Variants in ZNF407 observed in about 807,000 individuals in gnomAD.
The protein encoded by ZNF407 is zinc finger protein 407.
In ZNF407, 17 loss-of-function variants were observed where a neutral mutation model predicts 131.2. That is an observed-to-expected ratio of 0.13 (90% CI 0.09 to 0.19). The LOEUF (loss-of-function observed/expected upper bound fraction) is 0.19. Among genes scored for constraint, ZNF407 ranks in the 10% least tolerant of loss-of-function variants. ZNF407 has a pLI of 1.00. For missense variants in ZNF407, 2,681 were observed against 2,830.6 expected, an observed-to-expected ratio of 0.95 and a Z score of 1.20; for synonymous variants, 1,156 against 1,062.0, an observed-to-expected ratio of 1.09 and a Z score of -1.72.
At chr18:74,846,491 C>T (rs1191423124) in intron 4 of ZNF407, among the ~76,000 whole-genome samples, 3 of 151,476 alleles carry the variant, frequency 2.0e-5, no homozygotes, top group Admixed American at 1.3e-4. Flanking sequence ...AGGTGCATGC[C>T]ACCACGCCCA....
chr18:74,834,228 A>G (rs534831030), intron 4 of ZNF407, among the ~76,000 whole-genome samples: 2 of 152,234 alleles, frequency 1.3e-5, no homozygotes, highest in Non-Finnish European at 2.9e-5. Context: ...CAATATGGAT[A>G]AAATTTTCAC....
chr18:74,763,966 G>A (rs1318925976), intron 3 of ZNF407, among the ~76,000 whole-genome samples: 4 of 151,892 alleles, frequency 2.6e-5, no homozygotes, highest in African/African-American at 4.8e-5. Flanking sequence ...GCCCGCCTCG[G>A]CCTCCCAAAG....
intron 4 of ZNF407, among the ~76,000 whole-genome samples, chr18:74,864,928 G>T (rs1970989682): frequency 6.6e-6 from 1 of 152,168 alleles, no homozygotes; most frequent in Non-Finnish European, 1.5e-5. Flanking sequence ...CTATAATATG[G>T]TGATTGTGTT....
chr18:74,789,921 A>C, intron 4 of ZNF407, among the ~76,000 whole-genome samples: 1 of 143,498 alleles, frequency 7.0e-6, no homozygotes, highest in South Asian at 2.2e-4. Flanking sequence ...ATAATGTCCC[A>C]CCTCTCCTGG....
At chr18:74,691,289 A>C (rs1967216680) in intron 3 of ZNF407, among the ~76,000 whole-genome samples, 1 of 151,818 alleles carries the variant, frequency 6.6e-6, no homozygotes, top group Admixed American at 6.6e-5. Flanking sequence ...CAAAAAAAAA[A>C]TAATAATAAA....
chr18:74,932,678 A>G (rs1190121537), intron 8 of ZNF407, among the ~76,000 whole-genome samples: 1 of 152,216 alleles, frequency 6.6e-6, no homozygotes, highest in South Asian at 2.1e-4. Flanking sequence ...TTATTCTTCA[A>G]TTCTTTAAGT....
At chr18:75,054,191 G>A (rs1017886141) in intron 8 of ZNF407, among the ~76,000 whole-genome samples, 2 of 152,212 alleles carry the variant, frequency 1.3e-5, no homozygotes, top group Non-Finnish European at 2.9e-5. Flanking sequence ...AGCTGCTATC[G>A]TTTGGCTATG....
chr18:74,719,547 C>A (rs1967977567), intron 3 of ZNF407, among the ~76,000 whole-genome samples: 1 of 152,134 alleles, frequency 6.6e-6, no homozygotes, highest in Non-Finnish European at 1.5e-5. Flanking sequence ...CCACAGGCAC[C>A]CGCCACCACG....
Position 75,017,507 on chromosome 18 carries a change from T to A in ZNF407, c.5429-45643T>A, listed in dbSNP as rs999089256. On this transcript the variant is annotated intron_variant, in intron 8 of 8. Transcript: ENST00000299687. ...CTGTATTTGTATGGAGTAGCCAAGA[T>A]ATCAGTGCTAGTCAGCAACCACCCA... 7.9e-5 allele frequency among the ~76,000 whole-genome samples: 12 copies of A among 152,228 alleles called. No individual in the cohort carries two copies. The East Asian group carries it at 2.3e-3, about 29-fold the overall frequency.
In ZNF407 at chr18:74,663,125, G is replaced by GT. The variant is rs201667494; in HGVS notation, c.4802+22012dup. Reference sequence around the variant, plus strand: ...ATTGTAACCTCTAGAAAGCAACCTAGTTTTTTTTTAAGTAAAAACAGTCTA... The same window carrying GT: ...ATTGTAACCTCTAGAAAGCAACCTAGTTTTTTTTTTAAGTAAAAACAGTCTA... On this transcript the variant is annotated intron_variant, in intron 3 of 8. Coordinates refer to ENST00000299687, the MANE Select transcript of ZNF407 (RefSeq NM_017757.3). Among the ~76,000 whole-genome samples the GT allele has an allele frequency of 3.2e-3, 481 of 151,458 alleles. 2 individuals are homozygous for GT. Among genetic ancestry groups the GT allele is most frequent in the South Asian group, 0.015 (70 of 4,782 alleles).
Position 74,632,627 on chromosome 18 carries a change from A to G in ZNF407, c.1608A>G (p.Val536=), listed in dbSNP as rs780172705. The G allele has an allele frequency of 2.5e-6, 4 of 1,614,066 alleles. No individual in the cohort carries two copies. In the South Asian group the frequency reaches 4.4e-5, roughly 18 times the overall value. ...GTGCTTGTACAGACTGTGGGCAAGT[A>G]GCTACAAATAGGACAGATTTGGAAA... The part of the protein sequence containing the change: ...TLCACTDCGQ[V]ATNRTDLEIH... The change falls in exon 2 of 9, where the codon GTA becomes GTG. Residue 536 remains valine (V), a synonymous_variant. Coordinates refer to ENST00000299687, the MANE Select transcript of ZNF407 (RefSeq NM_017757.3).
chr18:74,804,463 A>G (rs534495660), intron 4 of ZNF407: 4 of 990,396 alleles, frequency 4.0e-6, no homozygotes, highest in Admixed American at 1.2e-4. Context: ...TTCGTTAATC[A>G]GCACATGGAT....
In ZNF407 at chr18:74,689,125, G is replaced by A. The variant is rs539149578; in HGVS notation, c.4802+48003G>A. ...TTCACAGACGTGAGCCACTGTGCTG[G>A]CCTATATCTTTCTATTTTATTTAGG... On this transcript the variant is annotated intron_variant, in intron 3 of 8. Coordinates refer to ENST00000299687, the MANE Select transcript of ZNF407 (RefSeq NM_017757.3). Among the ~76,000 whole-genome samples, 10 of 152,260 alleles carry A rather than the reference G, an allele frequency of 6.6e-5. No homozygotes were observed. In the East Asian group the frequency reaches 1.7e-3, roughly 26 times the overall value.
chr18:74,682,916 G>A (rs966566857), intron 3 of ZNF407, among the ~76,000 whole-genome samples: 1 of 152,168 alleles, frequency 6.6e-6, no homozygotes, highest in African/African-American at 2.4e-5. Context: ...GGATCTTTCT[G>A]TGCATGTATG....
intron 4 of ZNF407, among the ~76,000 whole-genome samples, chr18:74,866,615 T>G (rs1364746998): frequency 6.6e-6 from 1 of 151,998 alleles, no homozygotes; most frequent in Non-Finnish European, 1.5e-5. Flanking sequence ...CGTATTTGAT[T>G]GTATATCAGT....
intron 8 of ZNF407, among the ~76,000 whole-genome samples, chr18:74,985,758 A>G (rs1456727303): frequency 6.6e-6 from 1 of 152,144 alleles, no homozygotes; most frequent in Non-Finnish European, 1.5e-5. Context: ...TTGAACAGCC[A>G]GGGTAGTACA....
At chr18:74,920,087 C>T (rs1435896152) in intron 7 of ZNF407, among the ~76,000 whole-genome samples, 3 of 152,146 alleles carry the variant, frequency 2.0e-5, no homozygotes, top group African/African-American at 7.2e-5. Context: ...AAGCACCTTG[C>T]GTGACAGAAC....
intron 8 of ZNF407, among the ~76,000 whole-genome samples, chr18:75,035,168 T>A (rs1037331443): frequency 6.6e-6 from 1 of 152,214 alleles, no homozygotes; most frequent in Non-Finnish European, 1.5e-5. Flanking sequence ...CTGATGAGTG[T>A]GCATGTGTTT....
At position 74,797,561 on chromosome 18, in the gene ZNF407, T is replaced by C. The variant is rs1321385617; in HGVS notation, c.4877+16059T>C. ...AGGCTAGCCTGCTGCAGAATTGTATTGTGGGAGTACAGGAATGCACTCTGG... is the reference window on the plus strand; with the variant it reads ...AGGCTAGCCTGCTGCAGAATTGTATCGTGGGAGTACAGGAATGCACTCTGG... On this transcript the variant is annotated intron_variant, in intron 4 of 8. Transcript: ENST00000299687. Among the ~76,000 whole-genome samples, 6 of 152,362 alleles carry C rather than the reference T, an allele frequency of 3.9e-5. No individual in the cohort carries two copies. In the South Asian group the frequency reaches 1.2e-3, roughly 32 times the overall value.
Sources: allele counts gnomAD v4.1 joint callset (sites outside exome capture counted in the v4.1 genomes callset), GRCh38; gene constraint gnomAD v4.1.1; transcripts MANE v1.5; gene names NCBI Gene and HGNC (gene_info 2026-07-23, HGNC 2026-07-21).